The following SOS2 variants were observed in gnomAD, a reference collection of about 807,000 sequenced individuals.
SOS2 encodes the protein SOS Ras/Rho guanine nucleotide exchange factor 2.
SOS2 carries 65 observed loss-of-function variants against 148.2 expected under a neutral mutation model. The observed-to-expected ratio is 0.44, with a 90% CI of 0.36 to 0.54. The LOEUF is 0.54. Among genes scored for constraint, SOS2 ranks in the 20% least tolerant of loss-of-function variants. The pLI, the probability that SOS2 is intolerant of heterozygous loss-of-function variation, is 0.00. For missense variants in SOS2, 1,341 were observed against 1,590.2 expected (o/e 0.84, Z 2.67); for synonymous variants, 539 against 537.1 (o/e 1.00, Z -0.05).
At chr14:50,207,665 G>A (rs1886708778) in intron 1 of SOS2, among the ~76,000 whole-genome samples, 1 of 151,938 alleles carries the variant, frequency 6.6e-6, no homozygotes, top group African/African-American at 2.4e-5. Context: ...AGCACTTTGG[G>A]AGGCTGGAAG....
At chr14:50,139,663 A>T (rs1432835854) in intron 17 of SOS2, among the ~76,000 whole-genome samples, 1 of 152,258 alleles carries the variant, frequency 6.6e-6, no homozygotes, top group Non-Finnish European at 1.5e-5. Context: ...ATAGATAGTT[A>T]TGATAAAAAT....
Position 50,210,949 on chromosome 14 carries a change from G to A in SOS2, c.88-6540C>T, listed in dbSNP as rs868842939. Among the ~76,000 whole-genome samples, 8 of 151,966 alleles carry A rather than the reference G, an allele frequency of 5.3e-5. No homozygotes were observed. The South Asian group carries it at 1.7e-3, about 32-fold the overall frequency. On this transcript the variant is annotated intron_variant, in intron 1 of 22. Transcript: ENST00000216373. ...ACACACTGCTACTGGAATGTAAAATGTTTCAATCACTTTCAAAAACTTTGC... is the reference window on the plus strand; with the variant it reads ...ACACACTGCTACTGGAATGTAAAATATTTCAATCACTTTCAAAAACTTTGC...
intron 13 of SOS2, 93 bp downstream of exon 13, chr14:50,152,977 G>A: frequency 3.3e-6 from 2 of 599,240 alleles, no homozygotes; most frequent in South Asian, 2.6e-5. Context: ...AAAAAAAAAA[G>A]AGAGAGAAAT....
chr14:50,145,374 C>T, intron 15 of SOS2, 42 bp from the exon 16 acceptor site: 2 of 1,570,070 alleles, frequency 1.3e-6, no homozygotes, highest in Non-Finnish European at 1.7e-6. Context: ...AGTTTCTTCA[C>T]CTCACTTAGA....
intron 5 of SOS2, among the ~76,000 whole-genome samples, chr14:50,184,465 G>A (rs986716513): frequency 3.3e-5 from 5 of 152,184 alleles, no homozygotes; most frequent in African/African-American, 1.2e-4. Flanking sequence ...GAGTACCTTT[G>A]ATAAATACTG....
chr14:50,207,915 GAAAAGAAA>G (rs1048121275), intron 1 of SOS2, among the ~76,000 whole-genome samples: 3 of 146,816 alleles, frequency 2.0e-5, no homozygotes, highest in African/African-American at 5.0e-5. Flanking sequence ...AAAAAAAAAA[GAAAAGAAA>G]AAAAGAAAAA....
chr14:50,198,537 A>G (rs1886386260), intron 4 of SOS2, among the ~76,000 whole-genome samples: 1 of 152,216 alleles, frequency 6.6e-6, no homozygotes, highest in Non-Finnish European at 1.5e-5. Flanking sequence ...TGGAGATCCA[A>G]TCCAGGCCAA....
chr14:50,156,891 G>T, intron 12 of SOS2, 108 bp downstream of exon 12: 1 of 561,134 alleles, frequency 1.8e-6, no homozygotes, highest in Non-Finnish European at 2.9e-6. Context: ...TGAATTAAAA[G>T]CTGAGAGCTT....
At chr14:50,153,734 T>A (rs1201508514) in intron 12 of SOS2, among the ~76,000 whole-genome samples, 1 of 152,158 alleles carries the variant, frequency 6.6e-6, no homozygotes, top group Non-Finnish European at 1.5e-5. Context: ...TACTTCAGCC[T>A]CCCAAGTAGC....
At chr14:50,135,642 C>CTTTTTTT (rs56043962) in intron 18 of SOS2, among the ~76,000 whole-genome samples, 107 of 82,566 alleles carry the variant, frequency 1.3e-3, no homozygotes, top group African/African-American at 1.4e-3. Context: ...ATGTGGTTTG[C>CTTTTTTT]TTTTTTTTTT....
intron 1 of SOS2, among the ~76,000 whole-genome samples, chr14:50,209,645 G>C (rs1388604964): frequency 6.6e-6 from 1 of 151,918 alleles, no homozygotes; most frequent in Admixed American, 6.6e-5. Flanking sequence ...TGTAGTCCCA[G>C]CTACACGGGA....
At chr14:50,212,833 C>A (rs2355882) in intron 1 of SOS2, among the ~76,000 whole-genome samples, 2 of 151,818 alleles carry the variant, frequency 1.3e-5, no homozygotes, top group Admixed American at 6.6e-5. Context: ...TGAGGAGGAG[C>A]AGATTATATA....
chr14:50,134,297 TTAAAA>T (rs1884003612), intron 18 of SOS2, 58 bp from the exon 19 acceptor site: 3 of 812,798 alleles, frequency 3.7e-6, no homozygotes, highest in Non-Finnish European at 6.0e-6. Context: ...TTAGATCTTA[TTAAAA>T]TAAGATCTCA....
chr14:50,185,879 C>T (rs928979852), intron 5 of SOS2, among the ~76,000 whole-genome samples: 13 of 152,068 alleles, frequency 8.5e-5, no homozygotes, highest in African/African-American at 2.7e-4. Context: ...TAGATAGGTA[C>T]TATCATCATC....
chr14:50,188,442 A>T, intron 5 of SOS2, 55 bp downstream of exon 5: 1 of 1,156,458 alleles, frequency 8.6e-7, no homozygotes, highest in Non-Finnish European at 1.3e-6. Flanking sequence ...TTATGATTTT[A>T]AGCTGGTCTG....
At chr14:50,137,212 T>C (rs1484495352) in intron 18 of SOS2, among the ~76,000 whole-genome samples, 2 of 152,188 alleles carry the variant, frequency 1.3e-5, no homozygotes, top group Non-Finnish European at 2.9e-5. Context: ...TATAGTACTA[T>C]AGTATCAATA....
At chr14:50,138,534 T>C in intron 18 of SOS2, 78 bp downstream of exon 18, 5 of 622,846 alleles carry the variant, frequency 8.0e-6, no homozygotes, top group Non-Finnish European at 8.0e-6. Context: ...TCCAATAGTA[T>C]GTCTTATTCA....
intron 21 of SOS2, among the ~76,000 whole-genome samples, chr14:50,125,280 C>G (rs1450712498): frequency 6.6e-6 from 1 of 152,196 alleles, no homozygotes; most frequent in East Asian, 1.9e-4. Context: ...GGATTGCCAG[C>G]AAATGCCAGA....
chr14:50,184,573 T>A (rs1487447074), intron 5 of SOS2, among the ~76,000 whole-genome samples: 32 of 151,938 alleles, frequency 2.1e-4, no homozygotes, highest in Admixed American at 2.1e-3. Context: ...ATTGAAGGGT[T>A]ACTTGAAACC....
Sources: allele counts gnomAD v4.1 joint callset (sites outside exome capture counted in the v4.1 genomes callset), GRCh38; gene constraint gnomAD v4.1.1; transcripts MANE v1.5; gene names NCBI Gene and HGNC (gene_info 2026-07-23, HGNC 2026-07-21).